Variants in ESR1 observed in about 807,000 individuals in gnomAD.
The protein encoded by ESR1 is estrogen receptor 1.
In ESR1, 12 loss-of-function variants were observed where a neutral mutation model predicts 52.7. The ratio of observed to expected loss-of-function variants is 0.23; its 90% CI spans 0.15 to 0.37. The LOEUF is 0.37. Among genes scored for constraint, ESR1 ranks in the 10% least tolerant of loss-of-function variants. The pLI, the probability that ESR1 is intolerant of heterozygous loss-of-function variation, is 1.00. For missense variants in ESR1, 584 were observed against 779.7 expected, an observed-to-expected ratio of 0.75 and a Z score of 2.99; for synonymous variants, 305 against 316.8, an observed-to-expected ratio of 0.96 and a Z score of 0.39.
At chr6:151,773,473 C>CA (rs1162073649) in intron 2 of ESR1, among the ~76,000 whole-genome samples, 1 of 152,220 alleles carries the variant, frequency 6.6e-6, no homozygotes. Context: ...GAGGCCTTGT[C>CA]ACAATCTTCA....
At chr6:151,876,510 A>C (rs180818405) in intron 2 of ESR1, among the ~76,000 whole-genome samples, 1 of 152,330 alleles carries the variant, frequency 6.6e-6, no homozygotes, top group African/African-American at 2.4e-5. Context: ...TGTACGGGCC[A>C]TTATTTATTT....
intron 5 of ESR1, among the ~76,000 whole-genome samples, chr6:152,060,369 C>G (rs2047451871): frequency 6.6e-6 from 1 of 152,142 alleles, no homozygotes; most frequent in African/African-American, 2.4e-5. Context: ...GTTTAGGACC[C>G]TCTTCCAAGG....
rs2050919937 is a variant in ESR1, at chr6:152,100,323, G to GTCA, written c.*1357_*1358insTCA. The GTCA allele has an allele frequency of 1.8e-5, 7 of 383,130 alleles. No individual in the cohort carries two copies. In the South Asian group the frequency reaches 7.3e-4, roughly 40 times the overall value. The allele number at this position is 383,130 out of a possible 1,614,324, so 23.7% of individuals were successfully genotyped here. Reference sequence around the variant, plus strand: ...GTTGCTGTCACTACTCAGGCTGACTGGGGCCTGGTCAGATTACGTATGCCC... The same window carrying GTCA: ...GTTGCTGTCACTACTCAGGCTGACTGTCAGGGCCTGGTCAGATTACGTATGCCC... On this transcript the variant is annotated 3_prime_UTR_variant, in exon 8 of 8. Transcript: ENST00000206249.
intron 4 of ESR1, among the ~76,000 whole-genome samples, chr6:151,976,796 T>A: frequency 6.6e-6 from 1 of 152,124 alleles, no homozygotes; most frequent in Non-Finnish European, 1.5e-5. Context: ...TACTTGGGTA[T>A]GCCCTTAACA....
chr6:152,015,827 C>G (rs541056783), intron 5 of ESR1, among the ~76,000 whole-genome samples: 13 of 152,212 alleles, frequency 8.5e-5, no homozygotes, highest in African/African-American at 3.1e-4. Context: ...TTTGAAATTC[C>G]AAATTTCGCC....
chr6:151,763,709 A>T (rs2128099881), intron 2 of ESR1, among the ~76,000 whole-genome samples: 1 of 152,308 alleles, frequency 6.6e-6, no homozygotes. Flanking sequence ...GGCCCACAAA[A>T]TATACCCAGA....
At chr6:152,029,486 T>A (rs1047319909) in intron 5 of ESR1, among the ~76,000 whole-genome samples, 1 of 152,184 alleles carries the variant, frequency 6.6e-6, no homozygotes, top group African/African-American at 2.4e-5. Flanking sequence ...AAGAACTATG[T>A]GACGAATGCA....
At chr6:151,994,552 A>G (rs1358485742) in intron 4 of ESR1, among the ~76,000 whole-genome samples, 2 of 152,124 alleles carry the variant, frequency 1.3e-5, no homozygotes, top group African/African-American at 4.8e-5. Flanking sequence ...ATGCCCTAAT[A>G]TGCTCCTCAG....
intron 2 of ESR1, among the ~76,000 whole-genome samples, chr6:151,780,434 T>C (rs1431170677): frequency 6.6e-6 from 1 of 152,186 alleles, no homozygotes; most frequent in Non-Finnish European, 1.5e-5. Context: ...TCTCATGTTT[T>C]CTTATTTAAC....
At chr6:151,770,601 A>C (rs1164053734) in intron 2 of ESR1, among the ~76,000 whole-genome samples, 1 of 152,092 alleles carries the variant, frequency 6.6e-6, no homozygotes, top group Non-Finnish European at 1.5e-5. Flanking sequence ...TTTCTTTCCA[A>C]GCGGTAAAGG....
intron 2 of ESR1, among the ~76,000 whole-genome samples, chr6:151,752,225 T>C (rs1418538662): frequency 6.6e-6 from 1 of 152,212 alleles, no homozygotes; most frequent in Non-Finnish European, 1.5e-5. Context: ...TGAACCTCTT[T>C]TGAGGCTGAA....
chr6:151,939,137 A>T (rs888495018), intron 3 of ESR1, among the ~76,000 whole-genome samples: 1 of 152,208 alleles, frequency 6.6e-6, no homozygotes, highest in African/African-American at 2.4e-5. Context: ...TCATGTATGA[A>T]TGACAATGTA....
intron 3 of ESR1, among the ~76,000 whole-genome samples, chr6:151,935,900 A>G (rs1388601072): frequency 6.6e-6 from 1 of 152,226 alleles, no homozygotes; most frequent in African/African-American, 2.4e-5. Context: ...GAAACAGAAC[A>G]GTCTTACTTT....
At chr6:151,748,881 T>C (rs1783682302) in intron 2 of ESR1, among the ~76,000 whole-genome samples, 1 of 151,352 alleles carries the variant, frequency 6.6e-6, no homozygotes, top group African/African-American at 2.5e-5. Context: ...TTTGCCTTAA[T>C]ACATAGTATA....
intron 1 of ESR1, among the ~76,000 whole-genome samples, chr6:151,683,784 C>T (rs1347455882): frequency 2.0e-5 from 3 of 151,890 alleles, no homozygotes; most frequent in Non-Finnish European, 4.4e-5. Flanking sequence ...CTGAAACCTC[C>T]ACCTCCCAGG....
intron 1 of ESR1, among the ~76,000 whole-genome samples, chr6:151,840,465 T>G (rs1182845051): frequency 1.3e-5 from 2 of 152,228 alleles, no homozygotes; most frequent in Non-Finnish European, 2.9e-5. Flanking sequence ...TTATTTAGAA[T>G]GGACGAAATT....
intron 4 of ESR1, among the ~76,000 whole-genome samples, chr6:151,984,438 G>A (rs1463404508): frequency 1.3e-5 from 2 of 152,096 alleles, no homozygotes; most frequent in African/African-American, 4.8e-5. Flanking sequence ...AACTAACTTG[G>A]TAATCAATGT....
chr6:151,689,301 A>G (rs761025641), upstream of ESR1, among the ~76,000 whole-genome samples: 1 of 152,226 alleles, frequency 6.6e-6, no homozygotes, highest in Non-Finnish European at 1.5e-5. Context: ...TTTCACCAGA[A>G]ATCATAATAA....
At chr6:151,731,892 C>G (rs556699450) in intron 2 of ESR1, among the ~76,000 whole-genome samples, 117 of 152,254 alleles carry the variant, frequency 7.7e-4, no homozygotes, top group Non-Finnish European at 1.4e-3. Flanking sequence ...TGTTTTCCCA[C>G]TAATCAGAAG....
Sources: gnomAD v4.1 joint callset for allele counts (sites outside exome capture counted in the v4.1 genomes callset) on GRCh38, gnomAD v4.1.1 for gene constraint, MANE v1.5 for transcripts, NCBI Gene and HGNC (gene_info 2026-07-23, HGNC 2026-07-21) for gene names.